ITGA9: variants seen among roughly 807,000 people sequenced by gnomAD.
The protein encoded by ITGA9 is integrin subunit alpha 9, also known as integrin alpha-9.
ITGA9 carries 56 observed loss-of-function variants against 127.8 expected under a neutral mutation model. The observed-to-expected ratio is 0.44, with a 90% CI of 0.35 to 0.55. The LOEUF (loss-of-function observed/expected upper bound fraction) is 0.55. Among genes scored for constraint, ITGA9 ranks in the 20% least tolerant of loss-of-function variants. The probability of loss-of-function intolerance (pLI) is 0.00; values close to 1 mark genes in which losing one functional copy is unlikely to be tolerated. For synonymous variants in ITGA9, 508 were observed against 514.5 expected, an observed-to-expected ratio of 0.99 and a Z score of 0.17; for missense variants, 1,196 against 1,347.1, an observed-to-expected ratio of 0.89 and a Z score of 1.76.
At chr3:37,671,063 A>G (rs1261906985) in intron 17 of ITGA9, among the ~76,000 whole-genome samples, 1 of 152,264 alleles carries the variant, frequency 6.6e-6, no homozygotes, top group African/African-American at 2.4e-5. Context: ...TTGCCGGGTC[A>G]AGTCATACAT....
intron 18 of ITGA9, among the ~76,000 whole-genome samples, chr3:37,686,167 C>G (rs943822380): frequency 4.0e-5 from 6 of 151,430 alleles, no homozygotes; most frequent in Middle Eastern, 3.4e-3. Context: ...CTTTTTGCAT[C>G]TCGTCCGCAT....
chr3:37,743,409 G>A (rs1175650164), intron 21 of ITGA9, among the ~76,000 whole-genome samples: 2 of 152,118 alleles, frequency 1.3e-5, no homozygotes, highest in Admixed American at 6.5e-5. Context: ...TGTAGCCTCC[G>A]AAATCCAAGG....
chr3:37,601,526 AAGCAGCAT>A (rs1177179875), intron 15 of ITGA9, among the ~76,000 whole-genome samples: 2 of 152,210 alleles, frequency 1.3e-5, no homozygotes, highest in African/African-American at 4.8e-5. Context: ...AATTCCCTAG[AAGCAGCAT>A]ATTCCTGAGG....
Position 37,732,903 on chromosome 3 carries a change from C to T in ITGA9, c.2154+105C>T, listed in dbSNP as rs986129793. ...AGGTGAGGAGTCCTCCCACCCCCTGCCTCCCATAGCAGCTGGGGCGGCCAC... is the reference window on the plus strand; with the variant it reads ...AGGTGAGGAGTCCTCCCACCCCCTGTCTCCCATAGCAGCTGGGGCGGCCAC... On this transcript the variant is annotated intron_variant, in intron 19 of 27. Coordinates refer to ENST00000264741, the MANE Select transcript of ITGA9 (RefSeq NM_002207.3). 8.3e-6 allele frequency: 7 copies of T among 839,712 alleles called. No homozygotes were observed. The South Asian group carries it at 1.0e-4, about 12-fold the overall frequency. The allele number at this position is 839,712 out of a possible 1,614,324, so 52.0% of individuals were successfully genotyped here.
At chr3:37,712,495 G>A (rs926023569) in intron 18 of ITGA9, among the ~76,000 whole-genome samples, 3 of 152,200 alleles carry the variant, frequency 2.0e-5, no homozygotes, top group African/African-American at 7.2e-5. Context: ...TCTAGTGACA[G>A]CAATAGAAAA....
At chr3:37,628,705 C>G (rs1700200383) in intron 15 of ITGA9, among the ~76,000 whole-genome samples, 2 of 152,174 alleles carry the variant, frequency 1.3e-5, no homozygotes, top group Non-Finnish European at 2.9e-5. Flanking sequence ...GAATTTCATC[C>G]TTGCCTCCGC....
At chr3:37,522,138 C>T (rs1380104405) in intron 11 of ITGA9, among the ~76,000 whole-genome samples, 1 of 151,842 alleles carries the variant, frequency 6.6e-6, no homozygotes, top group Non-Finnish European at 1.5e-5. Context: ...CAAAGTGAGC[C>T]CCTAGATAGC....
intron 18 of ITGA9, among the ~76,000 whole-genome samples, chr3:37,697,080 C>T (rs971181438): frequency 6.6e-6 from 1 of 152,010 alleles, no homozygotes; most frequent in African/African-American, 2.4e-5. Context: ...GCTGCCATGG[C>T]CTAAGACTGA....
chr3:37,542,286 T>C (rs1176672288), intron 14 of ITGA9, 139 bp from the exon 15 acceptor site: 4 of 883,802 alleles, frequency 4.5e-6, no homozygotes, highest in Non-Finnish European at 7.6e-6. Context: ...AGCAAGTCTC[T>C]GCTTGGGGCT....
intron 1 of ITGA9, among the ~76,000 whole-genome samples, chr3:37,467,627 C>T (rs186253076): frequency 1.7e-4 from 26 of 152,298 alleles, no homozygotes; most frequent in African/African-American, 2.9e-4. Context: ...TTCCCTCGGA[C>T]GTGATGAATT....
At position 37,529,011 on chromosome 3, in the gene ITGA9, A is replaced by G. The variant is rs571526417; in HGVS notation, c.1373+2940A>G. Among the ~76,000 whole-genome samples the G allele has an allele frequency of 3.2e-4, 29 of 91,524 alleles. No homozygotes were observed. In the South Asian group the frequency reaches 9.5e-3, roughly 30 times the overall value. 60.0% of individuals were successfully genotyped at this position (91,524 alleles called of 152,430 possible). A position where few individuals can be genotyped will look rare whatever the true frequency, so the allele number is the denominator to read the frequency against. ...TTTCACATTGGTGGGAATATACAGT[A>G]TGGACTCTTGTTTCTGGCCTCTTTT... is the stretch of plus-strand genomic sequence containing the variant. On this transcript the variant is annotated intron_variant, in intron 13 of 27. Transcript: ENST00000264741.
intron 6 of ITGA9, among the ~76,000 whole-genome samples, chr3:37,505,006 T>A (rs973707854): frequency 2.0e-5 from 3 of 152,186 alleles, no homozygotes; most frequent in Non-Finnish European, 2.9e-5. Flanking sequence ...GCCTAGGCAA[T>A]CTTTTCCTTT....
intron 18 of ITGA9, among the ~76,000 whole-genome samples, chr3:37,689,911 C>T (rs905251190): frequency 2.0e-5 from 3 of 152,216 alleles, no homozygotes; most frequent in African/African-American, 4.8e-5. Flanking sequence ...ACACAAAGAT[C>T]TAGTCCCTGC....
At chr3:37,642,106 TA>T (rs1434046893) in intron 16 of ITGA9, among the ~76,000 whole-genome samples, 115 of 150,170 alleles carry the variant, frequency 7.7e-4, no homozygotes, top group African/African-American at 2.3e-3. Flanking sequence ...CCTGGCTATT[TA>T]AAAAAAAAAA....
At chr3:37,592,772 A>G (rs1699833232) in intron 15 of ITGA9, among the ~76,000 whole-genome samples, 1 of 152,206 alleles carries the variant, frequency 6.6e-6, no homozygotes, top group Admixed American at 6.5e-5. Flanking sequence ...TGGAGTTAAC[A>G]GGAAGATGGA....
chr3:37,481,462 C>T (rs911622376), intron 3 of ITGA9, 22 bp from the exon 4 acceptor site: 1 of 1,614,198 alleles, frequency 6.2e-7, no homozygotes, highest in Non-Finnish European at 8.5e-7. Flanking sequence ...TTCCTGCTCT[C>T]AACTGCTCTC....
In ITGA9 at chr3:37,565,659, A is replaced by G. The variant is rs114743851; in HGVS notation, c.1689+23074A>G. ...ATGAAAATGTACTTAATGCCATAGA[A>G]CTGGACACTTGAAAATGGTGAAAGT... On this transcript the variant is annotated intron_variant, in intron 15 of 27. Coordinates refer to ENST00000264741, the MANE Select transcript of ITGA9 (RefSeq NM_002207.3). Among the ~76,000 whole-genome samples the G allele has an allele frequency of 5.1e-3, 770 of 152,284 alleles. 9 individuals are homozygous for G. The highest frequency in any genetic ancestry group is 0.017 in the African/African-American group (723 of 41,560).
Position 37,678,538 on chromosome 3 carries a change from T to TA in ITGA9, c.1917-5325dup, listed in dbSNP as rs1700704692. Among the ~76,000 whole-genome samples the TA allele has an allele frequency of 2.0e-5, 3 of 152,194 alleles. No individual in the cohort carries two copies. In the South Asian group the frequency reaches 6.2e-4, roughly 32 times the overall value. On this transcript the variant is annotated intron_variant, in intron 17 of 27. Coordinates refer to ENST00000264741, the MANE Select transcript of ITGA9 (RefSeq NM_002207.3). Reference sequence around the variant, plus strand: ...TGGTTGGTAGATACAATACCGATAATAATAATGATGGTGTAATGAGAATTT... The same window carrying TA: ...TGGTTGGTAGATACAATACCGATAATAAATAATGATGGTGTAATGAGAATTT...
At chr3:37,638,799 A>G (rs571545779) in intron 16 of ITGA9, among the ~76,000 whole-genome samples, 42 of 152,358 alleles carry the variant, frequency 2.8e-4, no homozygotes, top group South Asian at 1.2e-3. Flanking sequence ...TTAAAGTGGA[A>G]TCGCTGCACA....
Sources: gnomAD v4.1 joint callset for allele counts (sites outside exome capture counted in the v4.1 genomes callset) on GRCh38, gnomAD v4.1.1 for gene constraint, MANE v1.5 for transcripts, NCBI Gene and HGNC (gene_info 2026-07-23, HGNC 2026-07-21) for gene names.